ITGB3BP: variants seen among roughly 807,000 people sequenced by gnomAD.
The protein encoded by ITGB3BP is centromere protein R.
In ITGB3BP, 27 loss-of-function variants were observed where a neutral mutation model predicts 29.1. The ratio of observed to expected loss-of-function variants is 0.93; its 90% CI spans 0.68 to 1.28. ITGB3BP has a LOEUF of 1.28. Ranked by LOEUF, ITGB3BP falls within the 50% of genes most tolerant of loss-of-function variation. The pLI is 0.00. For synonymous variants in ITGB3BP, 61 were observed against 61.4 expected (o/e 0.99, Z 0.03); for missense variants, 192 against 200.2 (o/e 0.96, Z 0.25).
intron 2 of ITGB3BP, among the ~76,000 whole-genome samples, chr1:63,496,356 G>A (rs552403588): frequency 3.2e-4 from 49 of 152,172 alleles, no homozygotes; most frequent in African/African-American, 1.1e-3. Context: ...GCCTCCCAAA[G>A]TGCTGGGATT....
upstream of ITGB3BP, chr1:63,525,819 G>A (rs35446626): frequency 0.15 from 177,318 of 1,153,248 alleles, 14,305 homozygotes; most frequent in Middle Eastern, 0.26. Context: ...AAATAGGTCC[G>A]AAAGACTGAA....
intron 7 of ITGB3BP, among the ~76,000 whole-genome samples, chr1:63,452,624 CT>C (rs369445379): frequency 3.1e-4 from 16 of 52,096 alleles, no homozygotes; most frequent in Non-Finnish European, 4.5e-4. Flanking sequence ...TTTTCTTTTT[CT>C]TTTCTTTCTT....
rs1644899185 is a variant in ITGB3BP, at chr1:63,454,084, T to C, written c.428-110A>G. The C allele has an allele frequency of 1.7e-6, 1 of 587,730 alleles. No individual in the cohort carries two copies. Among genetic ancestry groups the C allele is most frequent in the East Asian group, 2.9e-5 (1 of 33,958 alleles). The allele number at this position is 587,730 out of a possible 1,614,324, so 36.4% of individuals were successfully genotyped here. A position where few individuals can be genotyped will look rare whatever the true frequency, so the allele number is the denominator to read the frequency against. ...AAAAAATAATTCAAAATAATACATA[T>C]TTATAAGTACCAAATATAAAATATA... On this transcript the variant is annotated intron_variant, in intron 6 of 8. Transcript: ENST00000271002. This position sits in a 1 kb window ranked among gnomAD's most constrained non-coding sequence, Gnocchi z 4.1.
At chr1:63,480,640 A>AG (rs1362487361) in intron 3 of ITGB3BP, among the ~76,000 whole-genome samples, 1 of 152,066 alleles carries the variant, frequency 6.6e-6, no homozygotes, top group Non-Finnish European at 1.5e-5. Flanking sequence ...CTCAAAAAAA[A>AG]CAAAACAAAA....
chr1:63,468,903 A>AAATG (rs1431436481), intron 4 of ITGB3BP, among the ~76,000 whole-genome samples: 1 of 144,524 alleles, frequency 6.9e-6, no homozygotes, highest in African/African-American at 2.5e-5. Flanking sequence ...ATAAATAAAT[A>AAATG]AGGTGGGCGT....
intron 4 of ITGB3BP, among the ~76,000 whole-genome samples, chr1:63,477,759 C>T (rs549459350): frequency 1.3e-5 from 2 of 151,798 alleles, no homozygotes; most frequent in Non-Finnish European, 2.9e-5. Flanking sequence ...ATGGGGAAAA[C>T]TTCATTTTCC....
chr1:63,504,520 T>C (rs528789391), intron 2 of ITGB3BP, among the ~76,000 whole-genome samples: 2 of 152,262 alleles, frequency 1.3e-5, no homozygotes, highest in African/African-American at 2.4e-5. Context: ...TCCTGCCTGA[T>C]TGCCCTGGCC....
At chr1:63,479,516 C>T (rs911762120) in intron 3 of ITGB3BP, among the ~76,000 whole-genome samples, 7 of 152,092 alleles carry the variant, frequency 4.6e-5, no homozygotes, top group East Asian at 1.9e-4. Flanking sequence ...TTATTAATTA[C>T]AGTCAATTAT....
chr1:63,526,855 C>T (rs971323172), upstream of ITGB3BP, among the ~76,000 whole-genome samples: 9 of 152,222 alleles, frequency 5.9e-5, no homozygotes, highest in East Asian at 3.9e-4. Flanking sequence ...GCCTCTGCCT[C>T]CTGGGTTCCA....
intron 3 of ITGB3BP, among the ~76,000 whole-genome samples, chr1:63,482,675 C>CA (rs1193393758): frequency 2.4e-5 from 3 of 122,452 alleles, no homozygotes; most frequent in Non-Finnish European, 4.9e-5. Context: ...TTTTTTGAGA[C>CA]AGAGTCTCAC....
chr1:63,471,790 ACT>A (rs751439028), intron 4 of ITGB3BP, among the ~76,000 whole-genome samples: 1 of 150,602 alleles, frequency 6.6e-6, no homozygotes, highest in African/African-American at 2.4e-5. Context: ...TCTTTAAATA[ACT>A]CTTTTTTTTT....
chr1:63,523,249 G>T (rs140705087), upstream of ITGB3BP: 504 of 1,416,616 alleles, frequency 3.6e-4, 2 homozygotes, highest in African/African-American at 6.6e-3. Flanking sequence ...TGGACGTTGC[G>T]TCAAGCCCAC....
chr1:63,455,666 G>A (rs930146469), intron 4 of ITGB3BP, among the ~76,000 whole-genome samples: 12 of 151,960 alleles, frequency 7.9e-5, no homozygotes, highest in Non-Finnish European at 1.2e-4. Context: ...CATATTGAAG[G>A]CTGCACAATA....
At chr1:63,498,748 A>T (rs1645851080) in intron 2 of ITGB3BP, among the ~76,000 whole-genome samples, 1 of 150,814 alleles carries the variant, frequency 6.6e-6, no homozygotes, top group South Asian at 2.1e-4. Flanking sequence ...AACAGATATT[A>T]GTGGTGGTGA....
At chr1:63,446,458 T>C (rs915475962) in intron 8 of ITGB3BP, 2 of 205,938 alleles carry the variant, frequency 9.7e-6, no homozygotes, top group African/African-American at 2.3e-5. Context: ...ACAGAAACTA[T>C]AGTCCACTTG....
intron 4 of ITGB3BP, among the ~76,000 whole-genome samples, chr1:63,477,134 G>A (rs1038150023): frequency 1.2e-4 from 19 of 152,148 alleles, no homozygotes; most frequent in Non-Finnish European, 2.2e-4. Flanking sequence ...GACAGATGGA[G>A]GAGATGCCAA....
chr1:63,461,023 A>C (rs1400359704), intron 4 of ITGB3BP, among the ~76,000 whole-genome samples: 1 of 148,938 alleles, frequency 6.7e-6, no homozygotes, highest in African/African-American at 2.5e-5. Flanking sequence ...GCAGATCACG[A>C]GGTTAGGAGA....
At chr1:63,527,527 G>GC (rs11379399), upstream of ITGB3BP, among the ~76,000 whole-genome samples, 152,235 of 152,236 alleles carry the variant, frequency 1, 76,117 homozygotes, top group Middle Eastern at 1. Context: ...AATAATACAG[G>GC]ATTATAGATG....
In ITGB3BP at chr1:63,446,785, A is replaced by G. The variant is rs781705577; in HGVS notation, c.*1+21T>C. Reference sequence around the variant, plus strand: ...GTGAAATTTCACAAGGTTAAACTAAATTAGAAAGGTGAAACAGTACCTCAG... The same window carrying G: ...GTGAAATTTCACAAGGTTAAACTAAGTTAGAAAGGTGAAACAGTACCTCAG... On this transcript the variant is annotated intron_variant, in intron 8 of 8. Coordinates refer to ENST00000271002, the MANE Select transcript of ITGB3BP (RefSeq NM_014288.5). 2.6e-6 allele frequency: 4 copies of G among 1,557,936 alleles called. No homozygotes were observed. The South Asian group carries it at 4.5e-5, about 17-fold the overall frequency.
Sources: gnomAD v4.1 joint callset for allele counts (sites outside exome capture counted in the v4.1 genomes callset) on GRCh38, gnomAD v4.1.1 for gene constraint, Gnocchi (gnomAD v3.1) non-coding constraint, MANE v1.5 for transcripts, NCBI Gene and HGNC (gene_info 2026-07-23, HGNC 2026-07-21) for gene names.